Variants in ZC3H12B observed in about 807,000 individuals in gnomAD.
ZC3H12B encodes zinc finger CCCH-type containing 12B, also known as probable ribonuclease ZC3H12B.
Under a neutral mutation model 43.9 loss-of-function variants are expected in ZC3H12B, and 7 were observed. That is an observed-to-expected ratio of 0.16 (90% CI 0.09 to 0.30). The LOEUF (loss-of-function observed/expected upper bound fraction) is 0.30, where lower values mean the gene tolerates loss of function less well. Among genes scored for constraint, ZC3H12B ranks in the 10% least tolerant of loss-of-function variants. The pLI is 1.00. For missense variants in ZC3H12B, 475 were observed against 670.2 expected (o/e 0.71, Z 3.22); for synonymous variants, 222 against 241.7 (o/e 0.92, Z 0.76).
chrX:65,351,508 A>G, the ZC3H12B span, among the ~76,000 whole-genome samples: 1 of 112,592 alleles, frequency 8.9e-6, no homozygotes, highest in African/African-American at 3.2e-5. Context: ...AGCAAAAGAA[A>G]CTATCATCAG....
chrX:65,502,447 T>C, exon 5 of ZC3H12B: 1 of 1,211,162 alleles, frequency 8.3e-7, no homozygotes, highest in Non-Finnish European at 1.1e-6. Context: ...ACCTCTGTTC[T>C]GACAGCCGTG....
chrX:65,110,387 C>T, the ZC3H12B span, among the ~76,000 whole-genome samples: 5 of 104,731 alleles, frequency 4.8e-5, no homozygotes, highest in Non-Finnish European at 7.8e-5. Context: ...GTATTTTCTT[C>T]TGCTTTTTTT....
At chrX:65,243,905 G>T in the ZC3H12B span, among the ~76,000 whole-genome samples, 4 of 111,875 alleles carry the variant, frequency 3.6e-5, no homozygotes, top group African/African-American at 1.3e-4. Flanking sequence ...TTGCTCATAT[G>T]TTGGAGCTAA....
At chrX:65,370,130 C>T (rs1006493550) in intron 2 of ZC3H12B, among the ~76,000 whole-genome samples, 73 of 112,131 alleles carry the variant, frequency 6.5e-4, no homozygotes, top group African/African-American at 2.3e-3. Flanking sequence ...CATATAGTTT[C>T]GAAGAAAGGT....
chrX:65,079,312 A>T, the ZC3H12B span, among the ~76,000 whole-genome samples: 1 of 112,658 alleles, frequency 8.9e-6, no homozygotes, highest in Non-Finnish European at 1.9e-5. Context: ...CCTGAAGGGA[A>T]GGATGCAGGC....
chrX:65,196,199 G>T, the ZC3H12B span, among the ~76,000 whole-genome samples: 1 of 106,268 alleles, frequency 9.4e-6, no homozygotes, highest in Non-Finnish European at 1.9e-5. Flanking sequence ...ACAGCCAGGG[G>T]TCTGCAGAAA....
chrX:65,379,849 G>T (rs1174039101), intron 2 of ZC3H12B, among the ~76,000 whole-genome samples: 1 of 112,200 alleles, frequency 8.9e-6, no homozygotes, highest in African/African-American at 3.2e-5. Flanking sequence ...CTGGAAGAAA[G>T]GGTGTCAACG....
the ZC3H12B span, among the ~76,000 whole-genome samples, chrX:65,113,924 A>G: frequency 2.1e-5 from 2 of 97,024 alleles, no homozygotes; most frequent in Non-Finnish European, 4.2e-5. Context: ...GACTCACTTT[A>G]TTGCGATACT....
chrX:65,308,664 C>T, the ZC3H12B span, among the ~76,000 whole-genome samples: 2 of 111,825 alleles, frequency 1.8e-5, no homozygotes, highest in Non-Finnish European at 3.8e-5. Flanking sequence ...CAACTCTCCA[C>T]CCCAAATCAA....
At chrX:65,274,559 G>T in the ZC3H12B span, among the ~76,000 whole-genome samples, 1 of 109,459 alleles carries the variant, frequency 9.1e-6, no homozygotes, top group Non-Finnish European at 1.9e-5. Flanking sequence ...AAGAGCTGCA[G>T]TCCCACACAT....
chrX:65,458,482 A>T (rs2148170355), intron 3 of ZC3H12B, among the ~76,000 whole-genome samples: 1 of 111,975 alleles, frequency 8.9e-6, no homozygotes, highest in South Asian at 3.7e-4. Flanking sequence ...CAGCAAATCT[A>T]AAAGAACAGG....
At chrX:65,374,008 T>C (rs1415977062) in intron 2 of ZC3H12B, among the ~76,000 whole-genome samples, 1 of 26,136 alleles carries the variant, frequency 3.8e-5, no homozygotes, top group Non-Finnish European at 5.6e-5. Context: ...TATATATATA[T>C]AACTATATAT....
chrX:65,379,940 AG>A (rs1245576453), intron 2 of ZC3H12B, among the ~76,000 whole-genome samples: 3 of 112,227 alleles, frequency 2.7e-5, no homozygotes, highest in African/African-American at 9.7e-5. Flanking sequence ...AAAGCCTCCA[AG>A]AAATATGGGA....
intron 2 of ZC3H12B, among the ~76,000 whole-genome samples, chrX:65,374,010 AC>A (rs1188773963): frequency 1.5e-4 from 7 of 46,665 alleles, no homozygotes; most frequent in East Asian, 5.6e-4. Flanking sequence ...TATATATATA[AC>A]TATATATACA....
At chrX:65,336,728 C>T in the ZC3H12B span, among the ~76,000 whole-genome samples, 1 of 111,638 alleles carries the variant, frequency 9.0e-6, no homozygotes, top group Non-Finnish European at 1.9e-5. Flanking sequence ...AGAGAAAGGC[C>T]CACGTATTGC....
the ZC3H12B span, among the ~76,000 whole-genome samples, chrX:65,301,333 A>G: frequency 1.8e-5 from 2 of 111,795 alleles, no homozygotes; most frequent in South Asian, 3.7e-4. Context: ...ACTACTAGGT[A>G]TTTACTCAGA....
At chrX:65,218,959 C>T in the ZC3H12B span, among the ~76,000 whole-genome samples, 1 of 112,063 alleles carries the variant, frequency 8.9e-6, no homozygotes, top group Non-Finnish European at 1.9e-5. Flanking sequence ...GTGCTGGTAT[C>T]CATGGCTTTA....
intron 1 of ZC3H12B, among the ~76,000 whole-genome samples, chrX:65,367,285 T>G (rs2066185910): frequency 9.0e-6 from 1 of 111,697 alleles, no homozygotes; most frequent in African/African-American, 3.3e-5. Context: ...GAGCTGCAAA[T>G]AACATGTTTG....
At chrX:65,228,012 A>T in the ZC3H12B span, among the ~76,000 whole-genome samples, 2 of 111,847 alleles carry the variant, frequency 1.8e-5, no homozygotes, top group Non-Finnish European at 3.8e-5. Context: ...AAAAAGAGGG[A>T]ATCCTCCCTA....
Sources: gnomAD v4.1 joint callset for allele counts (sites outside exome capture counted in the v4.1 genomes callset) on GRCh38, gnomAD v4.1.1 for gene constraint, MANE v1.5 for transcripts, NCBI Gene and HGNC (gene_info 2026-07-23, HGNC 2026-07-21) for gene names.